The following SDCCAG8 variants were observed in gnomAD, a reference collection of about 807,000 sequenced individuals.
SDCCAG8 encodes serologically defined colon cancer antigen 8.
SDCCAG8 carries 74 observed loss-of-function variants against 101.8 expected under a neutral mutation model. The ratio of observed to expected loss-of-function variants is 0.73; its 90% CI spans 0.60 to 0.88. The LOEUF (loss-of-function observed/expected upper bound fraction) is 0.88. SDCCAG8 is among the 40% of genes least tolerant of loss of function. The probability of loss-of-function intolerance (pLI) is 0.00; values close to 1 mark genes in which losing one functional copy is unlikely to be tolerated. For missense variants in SDCCAG8, 787 were observed against 822.6 expected, an observed-to-expected ratio of 0.96 and a Z score of 0.53; for synonymous variants, 281 against 292.9, an observed-to-expected ratio of 0.96 and a Z score of 0.41.
At chr1:243,457,021 T>C (rs1002643761) in intron 16 of SDCCAG8, among the ~76,000 whole-genome samples, 3 of 152,230 alleles carry the variant, frequency 2.0e-5, no homozygotes, top group Admixed American at 2.0e-4. Flanking sequence ...TATACAGTGA[T>C]GAACTTCCAA....
chr1:243,443,793 C>T (rs1449834150), intron 16 of SDCCAG8, among the ~76,000 whole-genome samples: 1 of 152,152 alleles, frequency 6.6e-6, no homozygotes, highest in African/African-American at 2.4e-5. Flanking sequence ...TAAAATCTCT[C>T]TCCTTTTCAC....
rs185232126 is a variant in SDCCAG8, at chr1:243,259,585, C to T, written c.67+3345C>T. Among the ~76,000 whole-genome samples, 95 of 151,464 alleles carry T rather than the reference C, an allele frequency of 6.3e-4. No individual in the cohort carries two copies. The East Asian group carries it at 0.01, about 16-fold the overall frequency. Reference sequence around the variant, plus strand: ...CTGTAATCCCAGCACTTTGGGAGGCCGAGGCGGGCAGATCACCTGACGTCT... The same window carrying T: ...CTGTAATCCCAGCACTTTGGGAGGCTGAGGCGGGCAGATCACCTGACGTCT... On this transcript the variant is annotated intron_variant, in intron 1 of 17. Coordinates refer to ENST00000366541, the MANE Select transcript of SDCCAG8 (RefSeq NM_006642.5).
chr1:243,413,605 G>T (rs1227807295), intron 13 of SDCCAG8, among the ~76,000 whole-genome samples: 1 of 152,196 alleles, frequency 6.6e-6, no homozygotes, highest in Non-Finnish European at 1.5e-5. Context: ...GTACCAGTTT[G>T]TGATGGGTAG....
At chr1:243,499,677 G>T in intron 17 of SDCCAG8, 79 bp from the exon 18 acceptor site, 1 of 1,150,910 alleles carries the variant, frequency 8.7e-7, no homozygotes, top group South Asian at 1.2e-5. Flanking sequence ...CATAAAAGGT[G>T]ACTAAACCAG....
At chr1:243,423,962 G>A (rs1014692966) in intron 15 of SDCCAG8, among the ~76,000 whole-genome samples, 1 of 152,030 alleles carries the variant, frequency 6.6e-6, no homozygotes, top group Non-Finnish European at 1.5e-5. Flanking sequence ...TTTGTTATAC[G>A]GTGGCATGCA....
intron 9 of SDCCAG8, among the ~76,000 whole-genome samples, chr1:243,324,038 C>T (rs2073960381): frequency 6.6e-6 from 1 of 152,180 alleles, no homozygotes; most frequent in Admixed American, 6.5e-5. Flanking sequence ...ATTCATTTCT[C>T]CTCACGTGGC....
At chr1:243,412,433 T>C (rs2080248129) in intron 13 of SDCCAG8, among the ~76,000 whole-genome samples, 1 of 152,224 alleles carries the variant, frequency 6.6e-6, no homozygotes, top group Non-Finnish European at 1.5e-5. Context: ...AGGAAGTTTA[T>C]GAATTTGTGT....
chr1:243,497,230 A>C (rs1357239869), intron 17 of SDCCAG8, among the ~76,000 whole-genome samples: 1 of 151,576 alleles, frequency 6.6e-6, no homozygotes, highest in African/African-American at 2.4e-5. Flanking sequence ...GTTACCAAAG[A>C]GTCAGCAAAT....
intron 13 of SDCCAG8, among the ~76,000 whole-genome samples, chr1:243,389,964 T>C (rs2078600704): frequency 6.6e-6 from 1 of 152,228 alleles, no homozygotes; most frequent in Non-Finnish European, 1.5e-5. Flanking sequence ...GCAGATTTTC[T>C]ATAAACATTG....
chr1:243,486,992 A>T (rs920109175), intron 16 of SDCCAG8, among the ~76,000 whole-genome samples: 2 of 152,196 alleles, frequency 1.3e-5, no homozygotes, highest in African/African-American at 4.8e-5. Context: ...GGAGGGGAAA[A>T]GCCACCTTAG....
chr1:243,440,572 T>C (rs11809721), intron 16 of SDCCAG8, among the ~76,000 whole-genome samples: 27,234 of 152,068 alleles, frequency 0.18, 2,640 homozygotes, highest in African/African-American at 0.23. Flanking sequence ...TGACATGGGG[T>C]TGGAGCTGTG....
In SDCCAG8 at chr1:243,415,768, G is replaced by A. The variant is rs2148013434; in HGVS notation, c.1683G>A (p.Gln561=). Residue 561 remains glutamine, a synonymous_variant, in exon 14 of 18, where the codon CAG becomes CAA. Coordinates refer to ENST00000366541, the MANE Select transcript of SDCCAG8 (RefSeq NM_006642.5). ...CAAAGGCCCAAGCCCTTCAGGCCCAGCAAAGAGAGCAGGAGCTGACACAGA... is the reference window on the plus strand; with the variant it reads ...CAAAGGCCCAAGCCCTTCAGGCCCAACAAAGAGAGCAGGAGCTGACACAGA... ...KEAKAQALQA[Q]QREQELTQKI... 6.2e-7 allele frequency: 1 copy of A among 1,613,832 alleles called. No individual in the cohort carries two copies. The highest frequency in any genetic ancestry group is 1.1e-5 in the South Asian group (1 of 91,082).
At chr1:243,467,538 G>A (rs551923715) in intron 16 of SDCCAG8, among the ~76,000 whole-genome samples, 4 of 152,308 alleles carry the variant, frequency 2.6e-5, no homozygotes, top group Non-Finnish European at 4.4e-5. Flanking sequence ...TATGTGCACC[G>A]CAAATCCACA....
At chr1:243,471,521 G>C (rs766455984) in intron 16 of SDCCAG8, among the ~76,000 whole-genome samples, 5 of 151,938 alleles carry the variant, frequency 3.3e-5, no homozygotes, top group African/African-American at 4.8e-5. Context: ...CCTCTCCCTC[G>C]GCCCTCCACG....
chr1:243,386,481 C>A (rs1006539115), intron 13 of SDCCAG8, among the ~76,000 whole-genome samples: 1 of 152,032 alleles, frequency 6.6e-6, no homozygotes, highest in African/African-American at 2.4e-5. Context: ...GCAGGCAGAT[C>A]GCGAGAGGTC....
At chr1:243,276,795 C>T (rs2068610371) in intron 4 of SDCCAG8, among the ~76,000 whole-genome samples, 1 of 152,086 alleles carries the variant, frequency 6.6e-6, no homozygotes, top group African/African-American at 2.4e-5. Context: ...CTTATTCATC[C>T]CTCTTCCCCT....
chr1:243,481,558 C>T (rs1663761071), intron 16 of SDCCAG8, among the ~76,000 whole-genome samples: 1 of 152,158 alleles, frequency 6.6e-6, no homozygotes, highest in South Asian at 2.1e-4. Flanking sequence ...AAAGTGAGTG[C>T]ATATTTTACA....
intron 12 of SDCCAG8, among the ~76,000 whole-genome samples, chr1:243,375,812 G>A (rs1309127135): frequency 3.3e-4 from 50 of 152,146 alleles, no homozygotes; most frequent in Admixed American, 3.3e-3. Context: ...GCCAGTGGGA[G>A]CATGGCATTT....
At chr1:243,390,251 AG>A (rs1219172890) in intron 13 of SDCCAG8, among the ~76,000 whole-genome samples, 1 of 152,214 alleles carries the variant, frequency 6.6e-6, no homozygotes, top group Non-Finnish European at 1.5e-5. Context: ...TAAATTAAGC[AG>A]AGAATGTGTC....
Sources: allele counts gnomAD v4.1 joint callset (sites outside exome capture counted in the v4.1 genomes callset), GRCh38; gene constraint gnomAD v4.1.1; transcripts MANE v1.5; gene names NCBI Gene and HGNC (gene_info 2026-07-23, HGNC 2026-07-21).